Variants in TENT2 observed in about 807,000 individuals in gnomAD.
The protein encoded by TENT2 is poly(A) RNA polymerase GLD2.
Under a neutral mutation model 72.2 loss-of-function variants are expected in TENT2, and 44 were observed. The observed-to-expected ratio is 0.61, with a 90% confidence interval of 0.48 to 0.78. TENT2 has a LOEUF of 0.78. Ranked by LOEUF, TENT2 falls within the 30% of genes least tolerant of loss-of-function variation. TENT2 has a pLI of 0.00. For synonymous variants in TENT2, 212 were observed against 192.5 expected, an observed-to-expected ratio of 1.10 and a Z score of -0.84; for missense variants, 541 against 569.6, an observed-to-expected ratio of 0.95 and a Z score of 0.51.
chr5:79,644,280 C>A (rs555059316), intron 7 of TENT2, among the ~76,000 whole-genome samples: 1 of 152,274 alleles, frequency 6.6e-6, no homozygotes, highest in African/African-American at 2.4e-5. Flanking sequence ...CCAAGCCCAG[C>A]TGATATATAT....
intron 11 of TENT2, 162 bp from the exon 12 acceptor site, chr5:79,668,730 T>TTTGAA: frequency 1.5e-6 from 1 of 667,090 alleles, no homozygotes; most frequent in Admixed American, 2.9e-5. Context: ...CTGCAAATAC[T>TTTGAA]GGTGAAGTCT....
Position 79,620,043 on chromosome 5 carries a change from C to G in TENT2, c.187C>G (p.Pro63Ala), listed in dbSNP as rs761888420. ...GCAGCTGACATATGGAAATGTCAGT[C>G]CAATACAGACCTCAGCTTCCCCATT... ...LQQLTYGNVS[P>A]IQTSASPLFR... is the part of the protein sequence containing the mutation. The change falls in exon 3 of 15, where the codon CCA becomes GCA. Residue 63 changes from proline to alanine, a missense_variant. By Grantham distance (27) the Pro-to-Ala change is conservative. Transcript: ENST00000453514. 1.9e-6 allele frequency: 3 copies of G among 1,611,508 alleles called. No individual in the cohort carries two copies. In the South Asian group the frequency reaches 3.3e-5, roughly 18 times the overall value.
rs1818805121 is a variant in TENT2, at chr5:79,678,227, C to T, written c.1209-1352C>T. 3.3e-5 allele frequency among the ~76,000 whole-genome samples: 5 copies of T among 152,166 alleles called. No individual in the cohort carries two copies. In the South Asian group the frequency reaches 8.3e-4, roughly 25 times the overall value. On this transcript the variant is annotated intron_variant, in intron 12 of 14. Transcript: ENST00000453514. The stretch of plus-strand genomic sequence containing the variant: ...AGTGTGCTTTACAAGAATCAAAATT[C>T]ACAAGATGCAAGATTTTTCATGCTT...
chr5:79,634,618 T>C (rs7721812), intron 4 of TENT2, among the ~76,000 whole-genome samples: 48,363 of 151,994 alleles, frequency 0.32, 9,467 homozygotes, highest in African/African-American at 0.53. Flanking sequence ...GGATTTCAGA[T>C]GTGAGCCACT....
At chr5:79,648,386 T>A (rs959903966) in intron 8 of TENT2, among the ~76,000 whole-genome samples, 2 of 152,206 alleles carry the variant, frequency 1.3e-5, no homozygotes, top group African/African-American at 2.4e-5. Flanking sequence ...ATCTTTCCAC[T>A]GGAATCTTAT....
At chr5:79,682,979 C>T (rs901991210) in intron 14 of TENT2, among the ~76,000 whole-genome samples, 4 of 152,066 alleles carry the variant, frequency 2.6e-5, no homozygotes, top group East Asian at 3.9e-4. Flanking sequence ...ATTTTAGAGG[C>T]ATACTTTTTC....
At chr5:79,666,682 T>C (rs1236094372) in intron 11 of TENT2, among the ~76,000 whole-genome samples, 1 of 152,154 alleles carries the variant, frequency 6.6e-6, no homozygotes, top group Non-Finnish European at 1.5e-5. Context: ...GATAATAACC[T>C]AAATTTCTTT....
chr5:79,619,496 CA>C, intron 1 of TENT2, 115 bp from the exon 2 acceptor site: 4 of 715,344 alleles, frequency 5.6e-6, no homozygotes, highest in Non-Finnish European at 8.3e-6. Context: ...TTTAACTTTG[CA>C]AATAAAATTT....
At chr5:79,684,931 G>A (rs112745843) in intron 14 of TENT2, among the ~76,000 whole-genome samples, 1,553 of 152,280 alleles carry the variant, frequency 0.01, 32 homozygotes, top group African/African-American at 0.036. Flanking sequence ...GATGGCATAC[G>A]CCTGTAGTCC....
At chr5:79,660,772 A>G (rs188085806) in intron 11 of TENT2, among the ~76,000 whole-genome samples, 2 of 152,288 alleles carry the variant, frequency 1.3e-5, no homozygotes, top group East Asian at 3.9e-4. Flanking sequence ...TTATTTAAAA[A>G]ACAAGCTAAC....
intron 11 of TENT2, among the ~76,000 whole-genome samples, chr5:79,664,517 C>T (rs1805655550): frequency 6.6e-6 from 1 of 151,644 alleles, no homozygotes; most frequent in South Asian, 2.1e-4. Context: ...ATTGCTTGAA[C>T]CCAGGAGGCG....
At chr5:79,671,701 G>A (rs1466721589) in intron 12 of TENT2, among the ~76,000 whole-genome samples, 1 of 152,072 alleles carries the variant, frequency 6.6e-6, no homozygotes, top group Non-Finnish European at 1.5e-5. Flanking sequence ...GAGCCACCGC[G>A]CCTAGCCAAA....
intron 1 of TENT2, among the ~76,000 whole-genome samples, chr5:79,617,171 T>C (rs1466777469): frequency 6.6e-6 from 1 of 151,518 alleles, no homozygotes; most frequent in East Asian, 1.9e-4. Context: ...TTCATTCTTT[T>C]GATTTATTTT....
chr5:79,665,383 C>T (rs1468567580), intron 11 of TENT2, among the ~76,000 whole-genome samples: 6 of 152,056 alleles, frequency 3.9e-5, no homozygotes, highest in South Asian at 4.1e-4. Flanking sequence ...TTCCAGAAAG[C>T]GCTTAATTGT....
intron 1 of TENT2, among the ~76,000 whole-genome samples, chr5:79,614,289 G>A (rs1023973673): frequency 7.9e-5 from 12 of 151,756 alleles, no homozygotes; most frequent in African/African-American, 2.9e-4. Context: ...TTTTAGTAGA[G>A]GCAGGGTTTC....
chr5:79,628,996 A>G (rs1772805283), intron 4 of TENT2, among the ~76,000 whole-genome samples: 1 of 152,204 alleles, frequency 6.6e-6, no homozygotes, highest in South Asian at 2.1e-4. Flanking sequence ...GCAGTTAAAA[A>G]TGGAGCTCTG....
chr5:79,679,098 G>A (rs1191681602), intron 12 of TENT2, among the ~76,000 whole-genome samples: 7 of 152,044 alleles, frequency 4.6e-5, no homozygotes, highest in Non-Finnish European at 8.8e-5. Context: ...TAGAGATGGG[G>A]TTTCACCATC....
chr5:79,676,292 CT>C (rs1817260049), intron 12 of TENT2, among the ~76,000 whole-genome samples: 1 of 151,944 alleles, frequency 6.6e-6, no homozygotes, highest in African/African-American at 2.4e-5. Flanking sequence ...CCTCAAAATA[CT>C]TTCTGTGGTC....
intron 8 of TENT2, among the ~76,000 whole-genome samples, chr5:79,646,543 A>G (rs1789167656): frequency 6.6e-6 from 1 of 152,174 alleles, no homozygotes; most frequent in Admixed American, 6.5e-5. Flanking sequence ...ATTCCTTTAT[A>G]TATCTAAACA....
Sources: gnomAD v4.1 joint callset for allele counts (sites outside exome capture counted in the v4.1 genomes callset) on GRCh38, gnomAD v4.1.1 for gene constraint, MANE v1.5 for transcripts, NCBI Gene and HGNC (gene_info 2026-07-23, HGNC 2026-07-21) for gene names.